The following BCAP29 variants were observed in gnomAD, a reference collection of about 807,000 sequenced individuals.
BCAP29 encodes the protein B cell receptor associated protein 29.
Under a neutral mutation model 31.8 loss-of-function variants are expected in BCAP29, and 34 were observed. The ratio of observed to expected loss-of-function variants is 1.07; its 90% CI spans 0.81 to 1.42. The LOEUF (loss-of-function observed/expected upper bound fraction) is 1.42, where lower values mean the gene tolerates loss of function less well. Ranked by LOEUF, BCAP29 falls within the 40% of genes most tolerant of loss-of-function variation. BCAP29 has a pLI of 0.00. For synonymous variants in BCAP29, 104 were observed against 91.3 expected (o/e 1.14, Z -0.79); for missense variants, 314 against 269.2 (o/e 1.17, Z -1.16).
At chr7:107,593,884 A>G (rs1403631191) in intron 3 of BCAP29, 71 bp from the exon 4 acceptor site, 2 of 1,464,248 alleles carry the variant, frequency 1.4e-6, no homozygotes, top group African/African-American at 1.4e-5. Context: ...TTTTTCTAAA[A>G]CTGCTTTCCA....
At chr7:107,594,646 C>T (rs879310413) in intron 4 of BCAP29, among the ~76,000 whole-genome samples, 2 of 151,978 alleles carry the variant, frequency 1.3e-5, no homozygotes, top group Non-Finnish European at 2.9e-5. Flanking sequence ...GGAGTACAGG[C>T]GCCTGCCACT....
intron 7 of BCAP29, among the ~76,000 whole-genome samples, chr7:107,616,985 C>G (rs1165734251): frequency 6.6e-6 from 1 of 152,142 alleles, no homozygotes; most frequent in Non-Finnish European, 1.5e-5. Flanking sequence ...GCGATCCGCC[C>G]ACCTGGGCCT....
In BCAP29 at chr7:107,600,748, T is replaced by C. The variant is rs567741979; in HGVS notation, c.589+243T>C. 2.6e-5 allele frequency among the ~76,000 whole-genome samples: 4 copies of C among 152,390 alleles called. No homozygotes were observed. The South Asian group carries it at 8.3e-4, about 32-fold the overall frequency. ...TCTGTGTTGTAAATACAGATGTTCT[T>C]GCCTTAGCAAAAGAGCTGTGTTCCT... On this transcript the variant is annotated intron_variant, in intron 6 of 7. Coordinates refer to ENST00000005259, the MANE Select transcript of BCAP29 (RefSeq NM_018844.4).
intron 6 of BCAP29, among the ~76,000 whole-genome samples, chr7:107,609,094 C>T (rs1812677880): frequency 6.6e-6 from 1 of 152,150 alleles, no homozygotes; most frequent in African/African-American, 2.4e-5. Flanking sequence ...ACTTTCTTGA[C>T]ATTTTAAAGG....
intron 3 of BCAP29, among the ~76,000 whole-genome samples, chr7:107,593,164 T>A (rs1185813459): frequency 6.6e-6 from 1 of 152,212 alleles, no homozygotes; most frequent in Non-Finnish European, 1.5e-5. Context: ...TACCCAAGAC[T>A]TCTGTTGGTC....
intron 6 of BCAP29, among the ~76,000 whole-genome samples, chr7:107,600,800 A>C (rs1811037014): frequency 6.6e-6 from 1 of 152,270 alleles, no homozygotes; most frequent in East Asian, 1.9e-4. Context: ...ATGTGTTTTT[A>C]TAAAAAGAAT....
chr7:107,616,685 A>G (rs1295120373), intron 7 of BCAP29, among the ~76,000 whole-genome samples: 2 of 152,028 alleles, frequency 1.3e-5, no homozygotes, highest in East Asian at 1.9e-4. Context: ...GTTGTCCAAT[A>G]TGAGACCCTG....
At chr7:107,584,120 C>A (rs7778250) in intron 3 of BCAP29, 138 bp downstream of exon 3, 327,018 of 448,312 alleles carry the variant, frequency 0.73, 120,514 homozygotes, top group African/African-American at 0.9. Context: ...GGATACTGAT[C>A]TATTGATACA....
chr7:107,614,537 TATC>T (rs1321250840), intron 7 of BCAP29, among the ~76,000 whole-genome samples: 2 of 152,218 alleles, frequency 1.3e-5, no homozygotes, highest in Admixed American at 6.5e-5. Flanking sequence ...TGATAGGTAT[TATC>T]ATCATCATCT....
intron 3 of BCAP29, among the ~76,000 whole-genome samples, chr7:107,586,199 G>C (rs559984127): frequency 6.6e-6 from 1 of 152,174 alleles, no homozygotes; most frequent in South Asian, 2.1e-4. Flanking sequence ...CTGATATTCT[G>C]TCTATCTCCA....
chr7:107,595,760 T>G, intron 4 of BCAP29, 107 bp from the exon 5 acceptor site: 8 of 1,214,150 alleles, frequency 6.6e-6, no homozygotes, highest in Non-Finnish European at 9.2e-6. Flanking sequence ...AAACATTATC[T>G]GCCACCACCA....
At chr7:107,595,360 G>A (rs150665571) in intron 4 of BCAP29, among the ~76,000 whole-genome samples, 69 of 152,346 alleles carry the variant, frequency 4.5e-4, no homozygotes, top group African/African-American at 1.4e-3. Flanking sequence ...GCCTGGCAGA[G>A]TGTCTTAACA....
chr7:107,586,728 CT>C (rs763602838), intron 3 of BCAP29, among the ~76,000 whole-genome samples: 3,025 of 131,480 alleles, frequency 0.023, 48 homozygotes, highest in African/African-American at 0.073. Flanking sequence ...TGTATTTATT[CT>C]TTTTTTTTTT....
At chr7:107,617,430 C>A (rs1452705786) in intron 7 of BCAP29, among the ~76,000 whole-genome samples, 2 of 152,006 alleles carry the variant, frequency 1.3e-5, no homozygotes, top group African/African-American at 4.8e-5. Context: ...ACAGTCCCTT[C>A]AAAACATGTA....
At chr7:107,585,991 C>CA (rs147934203) in intron 3 of BCAP29, among the ~76,000 whole-genome samples, 2,495 of 149,740 alleles carry the variant, frequency 0.017, 74 homozygotes, top group African/African-American at 0.055. Context: ...AACTCCGTCT[C>CA]AAAAAAAAAG....
At chr7:107,600,602 G>A in intron 6 of BCAP29, 97 bp downstream of exon 6, 1 of 637,312 alleles carries the variant, frequency 1.6e-6, no homozygotes, top group Non-Finnish European at 2.7e-6. Context: ...ATGCCTAAAT[G>A]TTCTTCTAAG....
At position 107,619,223 on chromosome 7, in the gene BCAP29, T is replaced by C. The variant is rs1814690347; in HGVS notation, c.*860T>C. 6.6e-6 allele frequency: 1 copy of C among 152,546 alleles called. No homozygotes were observed. Among genetic ancestry groups the C allele is most frequent in the South Asian group, 2.1e-4 (1 of 4,834 alleles). The allele number at this position is 152,546 out of a possible 1,614,324, so 9.4% of individuals were successfully genotyped here. A position where few individuals can be genotyped will look rare whatever the true frequency, so the allele number is the denominator to read the frequency against. ...GTGAGAGTAACTAATTATATAAATA[T>C]TACCTCAAAAATACATACACTGGTA... is the stretch of plus-strand genomic sequence containing the variant. On this transcript the variant is annotated 3_prime_UTR_variant, in exon 8 of 8. Coordinates refer to ENST00000005259, the MANE Select transcript of BCAP29 (RefSeq NM_018844.4).
intron 5 of BCAP29, among the ~76,000 whole-genome samples, chr7:107,599,155 A>G (rs1206519531): frequency 8.3e-6 from 1 of 119,804 alleles, no homozygotes; most frequent in Non-Finnish European, 1.7e-5. Flanking sequence ...ATAAATATAT[A>G]TTTATAAATA....
chr7:107,603,642 G>C, intron 6 of BCAP29: 1 of 122,596 alleles, frequency 8.2e-6, no homozygotes, highest in Non-Finnish European at 1.6e-5. Context: ...GAGTCTCACT[G>C]TCACCCAGGT....
Sources: gnomAD v4.1 joint callset for allele counts (sites outside exome capture counted in the v4.1 genomes callset) on GRCh38, gnomAD v4.1.1 for gene constraint, MANE v1.5 for transcripts, NCBI Gene and HGNC (gene_info 2026-07-23, HGNC 2026-07-21) for gene names.